The following OSBPL6 variants were observed in gnomAD, a reference collection of about 807,000 sequenced individuals.
OSBPL6 encodes oxysterol binding protein like 6.
Under a neutral mutation model 125.8 loss-of-function variants are expected in OSBPL6, and 49 were observed. The observed-to-expected ratio is 0.39, with a 90% CI of 0.31 to 0.49. The LOEUF (loss-of-function observed/expected upper bound fraction) is 0.49, where lower values mean the gene tolerates loss of function less well. OSBPL6 is among the 20% of genes least tolerant of loss of function. The pLI is 0.88. For synonymous variants in OSBPL6, 394 were observed against 391.8 expected (o/e 1.01, Z -0.07); for missense variants, 986 against 1,135.4 (o/e 0.87, Z 1.89).
chr2:178,203,801 A>G (rs968262227), intron 1 of OSBPL6, among the ~76,000 whole-genome samples: 6 of 152,286 alleles, frequency 3.9e-5, no homozygotes, highest in African/African-American at 1.4e-4. Context: ...ATTTAAGGCT[A>G]ATTGTTTCCA....
intron 1 of OSBPL6, among the ~76,000 whole-genome samples, chr2:178,218,408 TAA>T (rs11357721): frequency 0.11 from 15,218 of 142,994 alleles, 873 homozygotes; most frequent in Middle Eastern, 0.17. Flanking sequence ...AAAAAAAAAT[TAA>T]AAAAAAAAAA....
intron 11 of OSBPL6, among the ~76,000 whole-genome samples, chr2:178,348,596 T>C (rs1319435745): frequency 6.6e-6 from 1 of 152,234 alleles, no homozygotes. Flanking sequence ...GCCATGTGCA[T>C]ATATGTAATA....
rs748647308 is a variant in OSBPL6 at position 178,373,895 on chromosome 2, T to G, written c.1401T>G (p.Gly467=). The G allele has an allele frequency of 1.2e-6, 2 of 1,613,876 alleles. No homozygotes were observed. ...TATGCTTCTGTCTTCTGCAGGCTGG[T>G]GAGCAAATCCATGTCAGTCTCCCCT... ...VNIIPSPDEA[G]EQIHVSLPLS... The change falls in exon 15 of 25, where the codon GGT becomes GGG. Residue 467 remains glycine, a synonymous_variant. Transcript: ENST00000190611.
intron 8 of OSBPL6, among the ~76,000 whole-genome samples, chr2:178,333,776 C>T (rs552672989): frequency 6.6e-6 from 1 of 152,270 alleles, no homozygotes; most frequent in Admixed American, 6.5e-5. Flanking sequence ...TATTAAATTT[C>T]TCCATGAAGT....
At chr2:178,334,326 G>A (rs1281329585) in intron 8 of OSBPL6, among the ~76,000 whole-genome samples, 1 of 152,036 alleles carries the variant, frequency 6.6e-6, no homozygotes, top group Non-Finnish European at 1.5e-5. Flanking sequence ...TGCTTACACA[G>A]GAATGTATGT....
chr2:178,347,938 C>T (rs997592181), intron 11 of OSBPL6, among the ~76,000 whole-genome samples: 11 of 152,132 alleles, frequency 7.2e-5, no homozygotes, highest in African/African-American at 2.4e-4. Context: ...CCCAGTAAGT[C>T]CTGGATATCT....
intron 3 of OSBPL6, among the ~76,000 whole-genome samples, chr2:178,311,427 T>A (rs1687260124): frequency 6.6e-6 from 1 of 152,178 alleles, no homozygotes; most frequent in Non-Finnish European, 1.5e-5. Context: ...ACCTGGCATG[T>A]TATCTATTTG....
At chr2:178,216,347 C>G (rs538695457) in intron 1 of OSBPL6, among the ~76,000 whole-genome samples, 30 of 152,234 alleles carry the variant, frequency 2.0e-4, no homozygotes, top group African/African-American at 6.7e-4. Context: ...CATATTCACT[C>G]AATTTACTTT....
intron 1 of OSBPL6, among the ~76,000 whole-genome samples, chr2:178,245,749 T>C (rs573982727): frequency 1.3e-5 from 2 of 152,318 alleles, no homozygotes; most frequent in African/African-American, 2.4e-5. Flanking sequence ...GGCATTGTTA[T>C]AGCTCATTCA....
At chr2:178,385,773 G>A (rs939028553) in intron 19 of OSBPL6, among the ~76,000 whole-genome samples, 1 of 152,202 alleles carries the variant, frequency 6.6e-6, no homozygotes. Context: ...GGACTGTGCC[G>A]GTGGAGAGCC....
intron 15 of OSBPL6, among the ~76,000 whole-genome samples, chr2:178,379,066 G>C (rs529592719): frequency 9.9e-5 from 15 of 152,114 alleles, no homozygotes; most frequent in African/African-American, 3.6e-4. Context: ...AGCTCCTTCA[G>C]GAGGCTGAGG....
rs149220970 is a variant in OSBPL6 at position 178,382,502 on chromosome 2, G to T, written c.1616G>T (p.Arg539Leu). 1 of 1,613,890 alleles carries T rather than the reference G, an allele frequency of 6.2e-7. No homozygotes were observed. The highest frequency in any genetic ancestry group is 8.5e-7 in the Non-Finnish European group (1 of 1,179,980). The change falls in exon 16 of 25, where the codon CGG becomes CTG. Residue 539 changes from arginine to leucine, a missense_variant. Coordinates refer to ENST00000190611, the MANE Select transcript of OSBPL6 (RefSeq NM_032523.4). ...DNTSVADNIS[R>L]QILNGELTGG... Reference sequence around the variant, plus strand: ...ACCAGTGTTGCAGACAATATTTCTCGGCAAAGTATGCATCATTTGAGCTTC... The same window carrying T: ...ACCAGTGTTGCAGACAATATTTCTCTGCAAAGTATGCATCATTTGAGCTTC...
intron 1 of OSBPL6, among the ~76,000 whole-genome samples, chr2:178,218,793 C>T (rs541599519): frequency 1.3e-5 from 2 of 152,004 alleles, no homozygotes; most frequent in South Asian, 4.2e-4. Flanking sequence ...CCATGCCCAG[C>T]TGATTTTTGT....
chr2:178,219,715 G>A (rs764999373), intron 1 of OSBPL6, among the ~76,000 whole-genome samples: 1 of 152,156 alleles, frequency 6.6e-6, no homozygotes, highest in African/African-American at 2.4e-5. Context: ...AACTAATTAC[G>A]TGCTGTTAAA....
intron 1 of OSBPL6, among the ~76,000 whole-genome samples, chr2:178,207,774 A>T (rs972708259): frequency 1.3e-5 from 2 of 152,122 alleles, no homozygotes; most frequent in African/African-American, 4.8e-5. Context: ...TTTGAAAGAA[A>T]CTTGAGGGAG....
At chr2:178,379,237 AAG>A (rs570382045) in intron 15 of OSBPL6, among the ~76,000 whole-genome samples, 17 of 149,558 alleles carry the variant, frequency 1.1e-4, no homozygotes, top group African/African-American at 2.2e-4. Context: ...AGAAGAAAGA[AAG>A]AGAGAGAGAG....
At chr2:178,222,828 A>T (rs1486886812) in intron 1 of OSBPL6, among the ~76,000 whole-genome samples, 4 of 152,230 alleles carry the variant, frequency 2.6e-5, no homozygotes, top group Admixed American at 2.6e-4. Flanking sequence ...ATCCAGAAAT[A>T]GATAATATTT....
At chr2:178,383,693 C>T (rs7580640) in intron 17 of OSBPL6, among the ~76,000 whole-genome samples, 2,573 of 152,272 alleles carry the variant, frequency 0.017, 79 homozygotes, top group African/African-American at 0.058. Flanking sequence ...GAAAAGCACC[C>T]GCAACCACAA....
intron 2 of OSBPL6, among the ~76,000 whole-genome samples, chr2:178,287,570 CTTTT>C (rs1684824288): frequency 6.6e-6 from 1 of 152,106 alleles, no homozygotes; most frequent in South Asian, 2.1e-4. Flanking sequence ...TGTTTCCACA[CTTTT>C]GCTGAGTTGT....
Sources: allele counts gnomAD v4.1 joint callset (sites outside exome capture counted in the v4.1 genomes callset), GRCh38; gene constraint gnomAD v4.1.1; transcripts MANE v1.5; gene names NCBI Gene and HGNC (gene_info 2026-07-23, HGNC 2026-07-21).